The following PRPF40B variants were observed in gnomAD, a reference collection of about 807,000 sequenced individuals.
The protein encoded by PRPF40B is pre-mRNA processing factor 40B.
A neutral mutation model predicts 124.5 loss-of-function variants in PRPF40B; 56 were observed. That is an observed-to-expected ratio of 0.45 (90% CI 0.36 to 0.56). The LOEUF is 0.56. PRPF40B is among the 20% of genes least tolerant of loss of function. The pLI is 0.00. For synonymous variants in PRPF40B, 443 were observed against 426.4 expected, an observed-to-expected ratio of 1.04 and a Z score of -0.48; for missense variants, 1,053 against 1,169.5, an observed-to-expected ratio of 0.90 and a Z score of 1.45.
chr12:49,632,063 C>G, intron 4 of PRPF40B, 138 bp downstream of exon 4: 1 of 833,396 alleles, frequency 1.2e-6, no homozygotes. Context: ...TCCCCACACT[C>G]AAATCCTTCT....
rs148266866 is a variant in PRPF40B, at chr12:49,640,548, C to T, written c.1768-1360C>T. The T allele has an allele frequency of 1.1e-3, 165 of 152,258 alleles. 1 individual carries two copies. The highest frequency in any genetic ancestry group is 3.9e-3 in the African/African-American group (160 of 41,542). The allele number at this position is 152,258 out of a possible 1,614,324, so 9.4% of individuals were successfully genotyped here. A position where few individuals can be genotyped will look rare whatever the true frequency, so the allele number is the denominator to read the frequency against. On this transcript the variant is annotated intron_variant, in intron 18 of 25. Transcript: ENST00000548825. The stretch of plus-strand genomic sequence containing the variant: ...CAAGCAACCTTTGGGAGAGTAGAGT[C>T]ATGGAGGTGGCATGGGGGCAGCACA...
In PRPF40B at chr12:49,642,717, A is replaced by T; in HGVS notation, c.2118+42A>T. The T allele has an allele frequency of 6.3e-7, 1 of 1,587,318 alleles. No homozygotes were observed. Among genetic ancestry groups the T allele is most frequent in the Non-Finnish European group, 8.6e-7 (1 of 1,164,186 alleles). ...CTCTGGATCTGCCTCAGGCCCTTGA[A>T]CTCATTAGACCAGTTCAACAGAGAC... On this transcript the variant is annotated intron_variant, in intron 21 of 25. Coordinates refer to ENST00000548825, the MANE Select transcript of PRPF40B (RefSeq NM_001031698.3). This position sits in a 1 kb window ranked among gnomAD's most constrained non-coding sequence, Gnocchi z 5.8.
rs755389795 is a variant in PRPF40B at position 49,643,266 on chromosome 12, G to A, written c.2249G>A (p.Arg750Gln). The change falls in exon 23 of 26, where the codon CGG becomes CAG. Residue 750 changes from arginine to glutamine, a missense_variant. By Grantham distance (43) the Arg-to-Gln change is conservative. Transcript: ENST00000548825. The part of the protein sequence containing the change: ...EEEELPPPSL[R>Q]PPKRRRRNPS... ...GAGGAGCTGCCCCCACCATCTCTCC[G>A]GCCCCCCAAGCGGAGGAGGCGGAAC... 11 of 1,614,028 alleles carry A rather than the reference G, an allele frequency of 6.8e-6. No homozygotes were observed. Among genetic ancestry groups the A allele is most frequent in the East Asian group, 2.2e-5 (1 of 44,868 alleles).
chr12:49,638,597 G>C (rs564321065), intron 18 of PRPF40B: 3 of 152,292 alleles, frequency 2.0e-5, no homozygotes, highest in East Asian at 3.9e-4. Flanking sequence ...ACTAAACCTT[G>C]TGTTCCAAAA....
At chr12:49,624,136 G>A (rs1351294662) in intron 1 of PRPF40B, 25 of 985,264 alleles carry the variant, frequency 2.5e-5, no homozygotes, top group Non-Finnish European at 3.0e-5. Context: ...CCCAGCCCAG[G>A]CCATCAACAA....
At position 49,635,379 on chromosome 12, in the gene PRPF40B, C is replaced by G. The variant is rs376136747; in HGVS notation, c.1181C>G (p.Thr394Ser). 6.2e-7 allele frequency: 1 copy of G among 1,613,680 alleles called. No individual in the cohort carries two copies. Among genetic ancestry groups the G allele is most frequent in the Non-Finnish European group, 8.5e-7 (1 of 1,179,816 alleles). ...STTRYRRAEQ[T>S]FGELEVWAVV... ...ATGCTCCACAGGCGGGCAGAACAGA[C>G]CTTTGGGGAGCTGGAGGTCTGGGCT... Residue 394 changes from threonine to serine, a missense_variant, in exon 14 of 26, where the codon ACC becomes AGC. Thr to Ser is a moderately conservative substitution (Grantham distance 58, BLOSUM62 1). Around this residue, in one of 2 missense-constraint regions of PRPF40B, gnomAD observed 895 missense variants for 1,052.2 expected, o/e 0.85. Coordinates refer to ENST00000548825, the MANE Select transcript of PRPF40B (RefSeq NM_001031698.3). This position sits in a 1 kb window ranked among gnomAD's most constrained non-coding sequence, Gnocchi z 4.1.
At chr12:49,638,102 G>A in intron 18 of PRPF40B, 1 of 394,486 alleles carries the variant, frequency 2.5e-6, no homozygotes, top group Non-Finnish European at 4.6e-6. Context: ...TTTGAACTGT[G>A]CATTTAGAAA....
chr12:49,631,300 GGTT>G lies in PRPF40B; in HGVS notation c.85-99_85-97del. 1.2e-6 allele frequency: 1 copy of G among 842,978 alleles called. No individual in the cohort carries two copies. Among genetic ancestry groups the G allele is most frequent in the South Asian group, 2.2e-5 (1 of 45,928 alleles). 52.2% of individuals were successfully genotyped at this position (842,978 alleles called of 1,614,324 possible). A position where few individuals can be genotyped will look rare whatever the true frequency, so the allele number is the denominator to read the frequency against. On this transcript the variant is annotated intron_variant, in intron 2 of 25. Transcript: ENST00000548825. This position sits in a 1 kb window ranked among gnomAD's most constrained non-coding sequence, Gnocchi z 4.3. ...GGAATTGCCTCAGAGCAGGGTGGAG[GGTT>G]GGGGAGGGAGGTGGTGGATATTTCC...
chr12:49,624,520 C>T (rs1382076203), intron 1 of PRPF40B, among the ~76,000 whole-genome samples: 1 of 152,202 alleles, frequency 6.6e-6, no homozygotes, highest in Non-Finnish European at 1.5e-5. Context: ...ACATTCGCTT[C>T]TTCAGAGGGA....
chr12:49,643,628 G>A (rs1942962063), intron 23 of PRPF40B, 63 bp from the exon 24 acceptor site: 1 of 1,553,536 alleles, frequency 6.4e-7, no homozygotes, highest in Non-Finnish European at 8.8e-7. Context: ...AGAGGGGCTA[G>A]AACAAAGAAA....
Position 49,644,169 on chromosome 12 carries a change from C to T in PRPF40B, c.2656C>T (p.Gln886Ter). 1 of 1,614,144 alleles carries T rather than the reference C, an allele frequency of 6.2e-7. No homozygotes were observed. Among genetic ancestry groups the T allele is most frequent in the Non-Finnish European group, 8.5e-7 (1 of 1,180,038 alleles). ...ELERRRRTLL[Q>*]QLDDHQ The stretch of plus-strand genomic sequence containing the variant: ...GGAGAGGCGGCGGCGGACACTCCTA[C>T]AGCAGCTGGATGATCACCAGTGACC... The change falls in exon 26 of 26, where the codon CAG becomes TAG. Residue 886 changes from glutamine (Q) to a stop codon, truncating the protein, a stop_gained. Transcript: ENST00000548825. LOFTEE classifies it high-confidence loss of function.
intron 1 of PRPF40B, among the ~76,000 whole-genome samples, chr12:49,628,656 T>A (rs2138412713): frequency 6.7e-6 from 1 of 149,024 alleles, no homozygotes; most frequent in South Asian, 2.2e-4. Flanking sequence ...AAACTCCGCC[T>A]CCTGGGTTCA....
intron 4 of PRPF40B, 125 bp downstream of exon 4, chr12:49,632,050 C>T: frequency 2.2e-6 from 2 of 897,642 alleles, no homozygotes; most frequent in South Asian, 2.7e-5. Context: ...TCCCCGGCAG[C>T]ACTCCCCACA....
rs1183946424 is a variant in PRPF40B, at chr12:49,642,342, T to C, written c.1992T>C (p.Pro664=). The C allele has an allele frequency of 5.0e-6, 8 of 1,613,908 alleles. No individual in the cohort carries two copies. Among genetic ancestry groups the C allele is most frequent in the Non-Finnish European group, 6.8e-6 (8 of 1,180,050 alleles). Residue 664 remains proline, a synonymous_variant, in exon 20 of 26, where the codon CCT becomes CCC. Coordinates refer to ENST00000548825, the MANE Select transcript of PRPF40B (RefSeq NM_001031698.3). This position sits in a 1 kb window ranked among gnomAD's most constrained non-coding sequence, Gnocchi z 5.8. ...GAAGCATGCTGAGGCAGGCTGTGCC[T>C]GCTCTGGAGCTAGGCACTGCCTGGG... ...AFRSMLRQAV[P]ALELGTAWEE...
intron 15 of PRPF40B, chr12:49,636,394 T>C (rs1413706598): frequency 7.0e-6 from 3 of 425,850 alleles, no homozygotes; most frequent in South Asian, 8.1e-5. Flanking sequence ...CTTTCTGAAA[T>C]TGCATCAAAG....
chr12:49,626,194 T>G (rs1266095822), intron 1 of PRPF40B, among the ~76,000 whole-genome samples: 1 of 152,266 alleles, frequency 6.6e-6, no homozygotes, highest in Non-Finnish European at 1.5e-5. Context: ...TATACACTGT[T>G]TTCAAAGTGC....
At chr12:49,632,123 A>T in intron 4 of PRPF40B, 198 bp downstream of exon 4, 1 of 636,834 alleles carries the variant, frequency 1.6e-6, no homozygotes, top group Non-Finnish European at 2.8e-6. Context: ...CCCCAAAGGC[A>T]TATACATTCT....
rs904837183 is a variant in PRPF40B, at chr12:49,643,143, C to G, written c.2206-80C>G. On this transcript the variant is annotated intron_variant, in intron 22 of 25. Coordinates refer to ENST00000548825, the MANE Select transcript of PRPF40B (RefSeq NM_001031698.3). ...AGGATTCCTTTGGCCCTGGGTCCTC[C>G]TCCTCTCTCGAATTCCCAGACGAGG... 2.3e-5 allele frequency: 36 copies of G among 1,591,886 alleles called. 1 individual carries two copies. The highest frequency in any genetic ancestry group is 1.2e-4 in the Admixed American group (7 of 59,078).
In PRPF40B at chr12:49,644,206, T is replaced by C. The variant is rs769623360; in HGVS notation, c.*14T>C. The C allele has an allele frequency of 6.2e-7, 1 of 1,613,868 alleles. No individual in the cohort carries two copies. Among genetic ancestry groups the C allele is most frequent in the Admixed American group, 1.7e-5 (1 of 60,020 alleles). The stretch of plus-strand genomic sequence containing the variant: ...GATCACCAGTGACCCAATGAGCTGT[T>C]CTCTGCCTCGGGTCTGTGTGAGGCC... On this transcript the variant is annotated 3_prime_UTR_variant, in exon 26 of 26. Coordinates refer to ENST00000548825, the MANE Select transcript of PRPF40B (RefSeq NM_001031698.3).
Sources: gnomAD v4.1 joint callset for allele counts (sites outside exome capture counted in the v4.1 genomes callset) on GRCh38, gnomAD v4.1.1 for gene constraint, gnomAD v4.1.1 regional missense constraint, Gnocchi (gnomAD v3.1) non-coding constraint, MANE v1.5 for transcripts, NCBI Gene and HGNC (gene_info 2026-07-23, HGNC 2026-07-21) for gene names.